The following ZNF141 variants were observed in gnomAD, a reference collection of about 807,000 sequenced individuals.
ZNF141 encodes the protein zinc finger protein 141 (clone pHZ-44).
Under a neutral mutation model 11.3 loss-of-function variants are expected in ZNF141, and 7 were observed. The ratio of observed to expected loss-of-function variants is 0.62; its 90% confidence interval spans 0.35 to 1.16. ZNF141 has a LOEUF of 1.16. ZNF141 is among the 50% of genes most tolerant of loss of function. The probability of loss-of-function intolerance (pLI) is 0.02; values close to 1 mark genes in which losing one functional copy is unlikely to be tolerated. For synonymous variants in ZNF141, 183 were observed against 190.7 expected (o/e 0.96, Z 0.33); for missense variants, 535 against 554.0 (o/e 0.97, Z 0.34).
intron 3 of ZNF141, chr4:350,388 G>A (rs944638611): frequency 1.2e-5 from 4 of 339,246 alleles, no homozygotes; most frequent in Non-Finnish European, 2.4e-5. Context: ...CACTTTGTTA[G>A]CGTCTTATTT....
At chr4:342,345 G>T (rs1473920708) in intron 1 of ZNF141, among the ~76,000 whole-genome samples, 2 of 152,188 alleles carry the variant, frequency 1.3e-5, no homozygotes, top group Non-Finnish European at 2.9e-5. Flanking sequence ...ACCTTATAGG[G>T]TCTGCAGAGA....
Position 375,114 on chromosome 4 carries a change from T to C in ZNF141, c.*1252T>C, listed in dbSNP as rs1409869333. 5 of 152,206 alleles carry C rather than the reference T, an allele frequency of 3.3e-5. No individual in the cohort carries two copies. Among genetic ancestry groups the C allele is most frequent in the South Asian group, 2.1e-4 (1 of 4,828 alleles). 9.4% of individuals were successfully genotyped at this position (152,206 alleles called of 1,614,324 possible). A position where few individuals can be genotyped will look rare whatever the true frequency, so the allele number is the denominator to read the frequency against. Reference sequence around the variant, plus strand: ...AGAAAAGTTATAGAAATATAAAAAATATAGAAAAGTCATATCTCCTCACAT... The same window carrying C: ...AGAAAAGTTATAGAAATATAAAAAACATAGAAAAGTCATATCTCCTCACAT... On this transcript the variant is annotated 3_prime_UTR_variant, in exon 4 of 4. Transcript: ENST00000240499.
chr4:370,234 C>T (rs1165419498), intron 3 of ZNF141, among the ~76,000 whole-genome samples: 1 of 151,866 alleles, frequency 6.6e-6, no homozygotes, highest in East Asian at 1.9e-4. Flanking sequence ...ATGCTTTTAT[C>T]CTTTAAATTT....
chr4:372,186 C>G (rs1553853661), intron 3 of ZNF141, among the ~76,000 whole-genome samples: 2 of 152,208 alleles, frequency 1.3e-5, no homozygotes, highest in African/African-American at 4.8e-5. Context: ...TCAGCAGACC[C>G]AATCCCTCCC....
In ZNF141 at chr4:383,151, G is replaced by A; in HGVS notation, c.*9289G>A. 2 of 701,792 alleles carry A rather than the reference G, an allele frequency of 2.8e-6. No individual in the cohort carries two copies. Among genetic ancestry groups the A allele is most frequent in the Non-Finnish European group, 5.2e-6 (2 of 384,622 alleles). The allele number at this position is 701,792 out of a possible 1,614,324, so 43.5% of individuals were successfully genotyped here. A position where few individuals can be genotyped will look rare whatever the true frequency, so the allele number is the denominator to read the frequency against. ...TTTAGCTTTCTGGAGAATAGCATCT[G>A]AGAAAAGCCAAAGTGCCTCAGTTTA... On this transcript the variant is annotated 3_prime_UTR_variant, in exon 4 of 4. Coordinates refer to ENST00000240499, the MANE Select transcript of ZNF141 (RefSeq NM_003441.4).
rs373224939 is a variant in ZNF141, at chr4:346,893, A to ACACCCCCC, written c.226+2464_226+2465insACCCCCCC. Among the ~76,000 whole-genome samples, 113 of 135,396 alleles carry ACACCCCCC rather than the reference A, an allele frequency of 8.3e-4. 8 individuals are homozygous for ACACCCCCC. Among genetic ancestry groups the ACACCCCCC allele is most frequent in the African/African-American group, 2.2e-3 (70 of 31,326 alleles). The allele number at this position is 135,396 out of a possible 152,430, so 88.8% of individuals were successfully genotyped here. Reference sequence around the variant, plus strand: ...TATATATGTATACACACACACACACACCGCCCCCCCCATATATTGGCTACT... The same window carrying ACACCCCCC: ...TATATATGTATACACACACACACACACACCCCCCCCGCCCCCCCCATATATTGGCTACT... On this transcript the variant is annotated intron_variant, in intron 3 of 3. Transcript: ENST00000240499.
rs782279242 is a variant in ZNF141, at chr4:372,828, A to G, written c.391A>G (p.Asn131Asp). ...GTGTAAGTTGCAGAAAGGAGGTTATAATGAATTTAATGAATGCTTGTCAAC... is the reference window on the plus strand; with the variant it reads ...GTGTAAGTTGCAGAAAGGAGGTTATGATGAATTTAATGAATGCTTGTCAAC... ...NECKLQKGGYNEFNECLSTTQ... is the reference protein window; with the variant it reads ...NECKLQKGGYDEFNECLSTTQ... Residue 131 changes from asparagine to aspartate, a missense_variant, in exon 4 of 4, where the codon AAT becomes GAT. Asn to Asp is a conservative substitution (Grantham distance 23, BLOSUM62 1). Transcript: ENST00000240499. 1.9e-6 allele frequency: 3 copies of G among 1,613,068 alleles called. No homozygotes were observed. The highest frequency in any genetic ancestry group is 2.5e-6 in the Non-Finnish European group (3 of 1,179,354).
intron 3 of ZNF141, among the ~76,000 whole-genome samples, chr4:362,805 G>A (rs1270551532): frequency 6.6e-6 from 1 of 152,200 alleles, no homozygotes; most frequent in Non-Finnish European, 1.5e-5. Context: ...TTGAAGTCAG[G>A]TAGCGTGATG....
Position 379,019 on chromosome 4 carries a change from A to G in ZNF141, c.*5157A>G, listed in dbSNP as rs1201787411. On this transcript the variant is annotated 3_prime_UTR_variant, in exon 4 of 4. Transcript: ENST00000240499. ...ACCACCACACCCAGCTAATTTTTGT[A>G]TTTTTAATAGAGATGAGGTTTCACT... is the stretch of plus-strand genomic sequence containing the variant. Among the ~76,000 whole-genome samples the G allele has an allele frequency of 5.9e-5, 9 of 151,292 alleles. No individual in the cohort carries two copies. Among genetic ancestry groups the G allele is most frequent in the African/African-American group, 2.2e-4 (9 of 41,130 alleles).
intron 1 of ZNF141, chr4:343,109 T>TA: frequency 1.7e-6 from 1 of 584,774 alleles, no homozygotes; most frequent in East Asian, 3.3e-5. Context: ...CCTTATGTTT[T>TA]AAAATCAGTT....
chr4:373,633 AAT>A lies in ZNF141; in HGVS notation c.1197_1198del (p.Cys400TrpfsTer5). On this transcript the variant is annotated frameshift_variant, in exon 4 of 4. Coordinates refer to ENST00000240499, the MANE Select transcript of ZNF141 (RefSeq NM_003441.4). LOFTEE classifies it low-confidence loss of function (END_TRUNC). ...GGAGAGAAACCCTACAAATGTGAAG[AAT>A]GTGGCAAAGCCTTTAGACGGTCCAC... is the stretch of plus-strand genomic sequence containing the variant. 2 of 1,614,208 alleles carry A rather than the reference AAT, an allele frequency of 1.2e-6. No homozygotes were observed. The highest frequency in any genetic ancestry group is 1.7e-6 in the Non-Finnish European group (2 of 1,180,018).
chr4:344,395 A>G lies in ZNF141; in HGVS notation c.191A>G (p.Asn64Ser). 1 of 1,607,452 alleles carries G rather than the reference A, an allele frequency of 6.2e-7. No homozygotes were observed. Among genetic ancestry groups the G allele is most frequent in the Non-Finnish European group, 8.5e-7 (1 of 1,175,350 alleles). The change falls in exon 3 of 4, where the codon AAT becomes AGT. Residue 64 changes from asparagine to serine, a missense_variant. By Grantham distance (46) the Asn-to-Ser change is conservative. Coordinates refer to ENST00000240499, the MANE Select transcript of ZNF141 (RefSeq NM_003441.4). ...TCLEQRKEPY[N>S]VKIHKIVARP... ...CTGGAGCAAAGAAAAGAGCCCTACA[A>G]TGTGAAGATACATAAGATCGTAGCC...
At position 373,899 on chromosome 4, in the gene ZNF141, T is replaced by G. The variant is rs1553854182; in HGVS notation, c.*37T>G. Reference sequence around the variant, plus strand: ...CAAATGTAAAGAATGTGGCAAACCTTTGGATGATCCACAAACCTTAATGAA... The same window carrying G: ...CAAATGTAAAGAATGTGGCAAACCTGTGGATGATCCACAAACCTTAATGAA... On this transcript the variant is annotated 3_prime_UTR_variant, in exon 4 of 4. Transcript: ENST00000240499. The G allele has an allele frequency of 3.9e-6, 6 of 1,534,064 alleles. No homozygotes were observed. Among genetic ancestry groups the G allele is most frequent in the Admixed American group, 3.9e-5 (2 of 51,876 alleles).
chr4:356,194 G>T (rs1256436781), intron 3 of ZNF141, among the ~76,000 whole-genome samples: 5 of 144,670 alleles, frequency 3.5e-5, no homozygotes, highest in African/African-American at 1.3e-4. Flanking sequence ...TCATGCCACC[G>T]CACTCCAGCC....
chr4:358,367 G>A, intron 3 of ZNF141: 2 of 324,416 alleles, frequency 6.2e-6, no homozygotes, highest in South Asian at 4.7e-5. Flanking sequence ...TATATTTTTA[G>A]TAGAGATGGG....
In ZNF141 at chr4:373,744, C is replaced by G; in HGVS notation, c.1307C>G (p.Ser436Trp). 1 of 1,614,104 alleles carries G rather than the reference C, an allele frequency of 6.2e-7. No homozygotes were observed. The highest frequency in any genetic ancestry group is 8.5e-7 in the Non-Finnish European group (1 of 1,179,984). The change falls in exon 4 of 4, where the codon TCG becomes TGG. Residue 436 changes from serine (S) to tryptophan (W), a missense_variant. Coordinates refer to ENST00000240499, the MANE Select transcript of ZNF141 (RefSeq NM_003441.4). ...TGTGACAAAGCCTTTAAACAATTTT[C>G]GCTCCTGAGTCAACATAAGAAAATT... ...KECDKAFKQF[S>W]LLSQHKKIHT...
At chr4:354,094 T>C (rs1553850899) in intron 3 of ZNF141, among the ~76,000 whole-genome samples, 1 of 152,196 alleles carries the variant, frequency 6.6e-6, no homozygotes, top group East Asian at 1.9e-4. Context: ...GTAACCTGTT[T>C]TCTCCAGTAG....
At chr4:361,040 A>C (rs1553852056) in intron 3 of ZNF141, among the ~76,000 whole-genome samples, 1 of 152,146 alleles carries the variant, frequency 6.6e-6, no homozygotes, top group South Asian at 2.1e-4. Flanking sequence ...GATTTTTGAA[A>C]AATGTAACCG....
chr4:345,504 G>A (rs868949069), intron 3 of ZNF141, among the ~76,000 whole-genome samples: 15 of 151,936 alleles, frequency 9.9e-5, no homozygotes, highest in African/African-American at 3.1e-4. Context: ...TGATGAGCTC[G>A]GATCATCTGA....
Sources: gnomAD v4.1 joint callset for allele counts (sites outside exome capture counted in the v4.1 genomes callset) on GRCh38, gnomAD v4.1.1 for gene constraint, MANE v1.5 for transcripts, NCBI Gene and HGNC (gene_info 2026-07-23, HGNC 2026-07-21) for gene names.